Variants in GFRA4 observed in about 807,000 individuals in gnomAD.
The protein encoded by GFRA4 is GDNF family receptor alpha 4, also known as GDNF family receptor alpha-4.
Under a neutral mutation model 28.5 loss-of-function variants are expected in GFRA4, and 31 were observed. The ratio of observed to expected loss-of-function variants is 1.09; its 90% CI spans 0.82 to 1.47. The LOEUF (loss-of-function observed/expected upper bound fraction) is 1.47, where lower values mean the gene tolerates loss of function less well. Among genes scored for constraint, GFRA4 ranks in the 40% most tolerant of loss-of-function variants. The pLI is 0.00. For missense variants in GFRA4, 389 were observed against 413.2 expected, an observed-to-expected ratio of 0.94 and a Z score of 0.51; for synonymous variants, 188 against 188.0, an observed-to-expected ratio of 1.00 and a Z score of 0.00.
rs1337144984 is a variant in GFRA4 at position 3,660,845 on chromosome 20, GA to G, written c.411del (p.Gln138ArgfsTer42). On this transcript the variant is annotated frameshift_variant, in exon 3 of 6. Coordinates refer to ENST00000290417, the MANE Select transcript of GFRA4 (RefSeq NM_022139.4). LOFTEE classifies it high-confidence loss of function. ...SRVCRPRLLA[F>X]QVSCTPAPSA... Reference sequence around the variant, plus strand: ...CTGGGCGCTGGGGTGCACGAGACCTGAAAGGCCAGGAGGCGAGGCCTGCGCG... The same window carrying G: ...CTGGGCGCTGGGGTGCACGAGACCTGAAGGCCAGGAGGCGAGGCCTGCGCG... 1 of 1,427,468 alleles carries G rather than the reference GA, an allele frequency of 7.0e-7. No individual in the cohort carries two copies. 88.4% of individuals were successfully genotyped at this position (1,427,468 alleles called of 1,614,324 possible).
At chr20:3,660,297 C>G (rs1260675643) in intron 4 of GFRA4, 48 bp from the exon 5 acceptor site, 1 of 1,464,066 alleles carries the variant, frequency 6.8e-7, no homozygotes, top group East Asian at 2.4e-5. Context: ...AACCCTAGCA[C>G]AGGGCTCAGC....
Position 3,659,815 on chromosome 20 carries a change from G to A in GFRA4, c.*94C>T, listed in dbSNP as rs2087196777. ...GCACCAGGGCCGGCTTGGGGGGTAAGCCAGCCCCTTCTCAAGGGGCCAGTA... is the reference window on the plus strand; with the variant it reads ...GCACCAGGGCCGGCTTGGGGGGTAAACCAGCCCCTTCTCAAGGGGCCAGTA... On this transcript the variant is annotated 3_prime_UTR_variant, in exon 6 of 6. Transcript: ENST00000290417. 3 of 1,234,122 alleles carry A rather than the reference G, an allele frequency of 2.4e-6. No individual in the cohort carries two copies. The highest frequency in any genetic ancestry group is 2.3e-6 in the Non-Finnish European group (2 of 867,640). The allele number at this position is 1,234,122 out of a possible 1,614,324, so 76.4% of individuals were successfully genotyped here. A position where few individuals can be genotyped will look rare whatever the true frequency, so the allele number is the denominator to read the frequency against.
Position 3,660,679 on chromosome 20 carries a change from C to T in GFRA4, c.503-19G>A. On this transcript the variant is annotated intron_variant, in intron 3 of 5. Transcript: ENST00000290417. ...GCGGTGCCTGCGGGGACCCTGAGGGCGAAGTCATCGGCCCACCCGGGCGGA... is the reference window on the plus strand; with the variant it reads ...GCGGTGCCTGCGGGGACCCTGAGGGTGAAGTCATCGGCCCACCCGGGCGGA... 4 of 1,537,524 alleles carry T rather than the reference C, an allele frequency of 2.6e-6. No homozygotes were observed. Among genetic ancestry groups the T allele is most frequent in the Non-Finnish European group, 3.5e-6 (4 of 1,141,456 alleles).
chr20:3,661,367 A>G (rs973596543), intron 1 of GFRA4, 78 bp from the exon 2 acceptor site: 2 of 1,338,796 alleles, frequency 1.5e-6, no homozygotes, highest in Non-Finnish European at 1.9e-6. Context: ...ACGCCCCTGG[A>G]AGGTGGGGGA....
intron 1 of GFRA4, among the ~76,000 whole-genome samples, chr20:3,662,281 T>C (rs1031945484): frequency 9.2e-5 from 14 of 152,184 alleles, no homozygotes; most frequent in African/African-American, 3.4e-4. Flanking sequence ...TAACTGGAAG[T>C]TGGGACTTGG....
intron 5 of GFRA4, 66 bp from the exon 6 acceptor site, chr20:3,660,055 C>T: frequency 2.0e-6 from 3 of 1,511,820 alleles, no homozygotes; most frequent in Non-Finnish European, 2.7e-6. Context: ...CCTGCACCCC[C>T]ACCCCAGGCC....
At chr20:3,661,378 C>G in intron 1 of GFRA4, 89 bp from the exon 2 acceptor site, 2 of 1,329,250 alleles carry the variant, frequency 1.5e-6, no homozygotes, top group South Asian at 3.8e-5. Flanking sequence ...AGGTGGGGGA[C>G]ACTGAAAACC....
chr20:3,662,831 C>G (rs2087237014), intron 1 of GFRA4, among the ~76,000 whole-genome samples: 3 of 152,192 alleles, frequency 2.0e-5, no homozygotes, highest in Admixed American at 1.3e-4. Flanking sequence ...CCCAGAACAC[C>G]CTTACCCAGT....
intron 1 of GFRA4, among the ~76,000 whole-genome samples, chr20:3,663,037 A>G (rs1416009731): frequency 6.6e-6 from 1 of 152,138 alleles, no homozygotes; most frequent in African/African-American, 2.4e-5. Context: ...TGTGATGGGT[A>G]GGAGGGCTGG....
intron 1 of GFRA4, among the ~76,000 whole-genome samples, chr20:3,662,181 C>A (rs666981): frequency 6.6e-6 from 1 of 152,126 alleles, no homozygotes; most frequent in South Asian, 2.1e-4. Flanking sequence ...AGAGAAGGTG[C>A]CTGGCACCCC....
intron 4 of GFRA4, 120 bp downstream of exon 4, chr20:3,660,406 G>C: frequency 8.9e-7 from 1 of 1,119,304 alleles, no homozygotes; most frequent in Non-Finnish European, 1.3e-6. Context: ...AGCTGTGACA[G>C]AGTGACTCAA....
At position 3,661,120 on chromosome 20, in the gene GFRA4, G is replaced by T; in HGVS notation, c.216C>A (p.Phe72Leu). 7.6e-7 allele frequency: 1 copy of T among 1,310,042 alleles called. No individual in the cohort carries two copies. Among genetic ancestry groups the T allele is most frequent in the Non-Finnish European group, 9.6e-7 (1 of 1,037,764 alleles). 81.2% of individuals were successfully genotyped at this position (1,310,042 alleles called of 1,614,324 possible). A position where few individuals can be genotyped will look rare whatever the true frequency, so the allele number is the denominator to read the frequency against. ...ARCRRALRRFFARGPPALTHA... is the reference protein window; with the variant it reads ...ARCRRALRRFLARGPPALTHA... ...GGGTGAGCGCGGGCGGCCCGCGGGCGAAGAAGCGGCGCAGGGCCCGGCGGC... is the reference window on the plus strand; with the variant it reads ...GGGTGAGCGCGGGCGGCCCGCGGGCTAAGAAGCGGCGCAGGGCCCGGCGGC... Residue 72 changes from phenylalanine (F) to leucine (L), a missense_variant, in exon 2 of 6, where the codon TTC (phenylalanine) becomes TTA (leucine). Coordinates refer to ENST00000290417, the MANE Select transcript of GFRA4 (RefSeq NM_022139.4).
At chr20:3,663,005 C>T (rs537914891) in intron 1 of GFRA4, among the ~76,000 whole-genome samples, 3 of 152,268 alleles carry the variant, frequency 2.0e-5, no homozygotes, top group East Asian at 1.9e-4. Flanking sequence ...TGAACAACAC[C>T]GAAGATTCAC....
Position 3,660,250 on chromosome 20 carries a change from C to A in GFRA4, c.638-1G>T, listed in dbSNP as rs1190635840. ...CTGGCAAAGGCCTGAATGGCACCAT[C>A]TATGGAGGGAGGGGTCCAGGGTGGA... On this transcript the variant is annotated splice_acceptor_variant, in intron 4 of 5. Coordinates refer to ENST00000290417, the MANE Select transcript of GFRA4 (RefSeq NM_022139.4). LOFTEE classifies it high-confidence loss of function. 2.5e-6 allele frequency: 4 copies of A among 1,603,264 alleles called. No individual in the cohort carries two copies.
chr20:3,661,617 T>C (rs946365985), intron 1 of GFRA4, among the ~76,000 whole-genome samples: 1 of 151,640 alleles, frequency 6.6e-6, no homozygotes, highest in African/African-American at 2.4e-5. Context: ...GTCCAGGGGC[T>C]CCTCCTACAC....
At position 3,661,032 on chromosome 20, in the gene GFRA4, C is replaced by G. The variant is rs2087216364; in HGVS notation, c.304G>C (p.Val102Leu). 1 of 1,464,984 alleles carries G rather than the reference C, an allele frequency of 6.8e-7. No homozygotes were observed. The allele number at this position is 1,464,984 out of a possible 1,614,324, so 90.7% of individuals were successfully genotyped here. A position where few individuals can be genotyped will look rare whatever the true frequency, so the allele number is the denominator to read the frequency against. The change falls in exon 2 of 6, where the codon GTG (valine) becomes CTG (leucine). Residue 102 changes from valine to leucine, a missense_variant. Physicochemically the swap from Val to Leu is conservative, Grantham distance 32 (BLOSUM62 1). Coordinates refer to ENST00000290417, the MANE Select transcript of GFRA4 (RefSeq NM_022139.4). ...ACAERRRQTF[V>L]PSCAFSGPGP... ...GGCCCCGAAAAGGCGCAGGAGGGCA[C>G]GAAGGTCTGGCGCCGACGCTCGGCG... is the stretch of plus-strand genomic sequence containing the variant.
chr20:3,661,114 G>T lies in GFRA4; in HGVS notation c.222C>A (p.Arg74=). 1 of 1,310,130 alleles carries T rather than the reference G, an allele frequency of 7.6e-7. No individual in the cohort carries two copies. The highest frequency in any genetic ancestry group is 9.6e-7 in the Non-Finnish European group (1 of 1,037,714). The allele number at this position is 1,310,130 out of a possible 1,614,324, so 81.2% of individuals were successfully genotyped here. A position where few individuals can be genotyped will look rare whatever the true frequency, so the allele number is the denominator to read the frequency against. Residue 74 remains arginine (R), a synonymous_variant, in exon 2 of 6, where the codon CGC becomes CGA. Coordinates refer to ENST00000290417, the MANE Select transcript of GFRA4 (RefSeq NM_022139.4). The part of the protein sequence containing the change: ...CRRALRRFFA[R]GPPALTHALL... ...GTGCGTGGGTGAGCGCGGGCGGCCC[G>T]CGGGCGAAGAAGCGGCGCAGGGCCC...
Position 3,661,102 on chromosome 20 carries a change from C to T in GFRA4, c.234G>A (p.Ala78=), listed in dbSNP as rs1199569641. Residue 78 remains alanine (A), a synonymous_variant, in exon 2 of 6, where the codon GCG becomes GCA. Transcript: ENST00000290417. ...GGCAGAAGAGCAGTGCGTGGGTGAGCGCGGGCGGCCCGCGGGCGAAGAAGC... is the reference window on the plus strand; with the variant it reads ...GGCAGAAGAGCAGTGCGTGGGTGAGTGCGGGCGGCCCGCGGGCGAAGAAGC... The part of the protein sequence containing the change: ...LRRFFARGPP[A]LTHALLFCPC... 3.0e-6 allele frequency: 4 copies of T among 1,317,136 alleles called. No homozygotes were observed. The highest frequency in any genetic ancestry group is 2.9e-6 in the Non-Finnish European group (3 of 1,041,700). 81.6% of individuals were successfully genotyped at this position (1,317,136 alleles called of 1,614,324 possible). A position where few individuals can be genotyped will look rare whatever the true frequency, so the allele number is the denominator to read the frequency against.
At position 3,659,941 on chromosome 20, in the gene GFRA4, G is replaced by C. The variant is rs1435445309; in HGVS notation, c.778C>G (p.Leu260Val). Residue 260 changes from leucine (L) to valine (V), a missense_variant, in exon 6 of 6, where the codon CTT (leucine) becomes GTT (valine). Physicochemically the swap from Leu to Val is conservative, Grantham distance 32. Coordinates refer to ENST00000290417, the MANE Select transcript of GFRA4 (RefSeq NM_022139.4). Reference sequence around the variant, plus strand: ...AGGGCCGGGAGAGCCAGGACAGGAAGTATGGAGAGCAGGGAGCGTCTCTCC... The same window carrying C: ...AGGGCCGGGAGAGCCAGGACAGGAACTATGGAGAGCAGGGAGCGTCTCTCC... ...ALERRSLLSI[L>V]PVLALPALL 6.3e-7 allele frequency: 1 copy of C among 1,598,370 alleles called. No individual in the cohort carries two copies. Among genetic ancestry groups the C allele is most frequent in the Non-Finnish European group, 8.5e-7 (1 of 1,173,730 alleles).
Sources: gnomAD v4.1 joint callset for allele counts (sites outside exome capture counted in the v4.1 genomes callset) on GRCh38, gnomAD v4.1.1 for gene constraint, MANE v1.5 for transcripts, NCBI Gene and HGNC (gene_info 2026-07-23, HGNC 2026-07-21) for gene names.